TENT5D: variants seen among roughly 807,000 people sequenced by gnomAD.
The protein encoded by TENT5D is terminal nucleotidyltransferase 5D.
For missense variants in TENT5D, 191 were observed against 287.0 expected (o/e 0.67, Z 2.42); for synonymous variants, 103 against 100.6 (o/e 1.02, Z -0.15).
intron 3 of TENT5D, among the ~76,000 whole-genome samples, chrX:80,389,113 T>G (rs1447534112): frequency 8.9e-6 from 1 of 111,883 alleles, no homozygotes; most frequent in Non-Finnish European, 1.9e-5. Context: ...TACTAAGGGC[T>G]GGGGAAGTGG....
intron 2 of TENT5D, among the ~76,000 whole-genome samples, chrX:80,339,216 T>A (rs923833490): frequency 9.0e-6 from 1 of 111,141 alleles, no homozygotes; most frequent in Non-Finnish European, 1.9e-5. Flanking sequence ...CAAAGCAGAA[T>A]CACAAATAAG....
At chrX:80,422,639 C>T (rs1260542743) in intron 1 of TENT5D, among the ~76,000 whole-genome samples, 1 of 111,151 alleles carries the variant, frequency 9.0e-6, no homozygotes, top group Non-Finnish European at 1.9e-5. Context: ...GTTTTAATGT[C>T]TGAGAGGGTG....
At chrX:80,338,806 T>C (rs1929902008) in intron 2 of TENT5D, among the ~76,000 whole-genome samples, 1 of 112,165 alleles carries the variant, frequency 8.9e-6, no homozygotes. Flanking sequence ...TTTTTAAAAA[T>C]GCAGATTACT....
At chrX:80,336,570 G>C (rs1232117379) in intron 2 of TENT5D, among the ~76,000 whole-genome samples, 1 of 107,216 alleles carries the variant, frequency 9.3e-6, no homozygotes, top group African/African-American at 3.4e-5. Flanking sequence ...GTATTTCGCT[G>C]TTGGAGAACT....
chrX:80,400,442 C>A (rs1931370925), intron 3 of TENT5D, among the ~76,000 whole-genome samples: 1 of 111,523 alleles, frequency 9.0e-6, no homozygotes, highest in East Asian at 2.8e-4. Context: ...CAAGTTTACA[C>A]CTAAAATGAA....
intron 3 of TENT5D, among the ~76,000 whole-genome samples, chrX:80,409,619 A>G (rs1398887152): frequency 9.0e-6 from 1 of 111,500 alleles, no homozygotes; most frequent in Non-Finnish European, 1.9e-5. Flanking sequence ...ATGGAAGAAC[A>G]TTCCATGCTC....
chrX:80,399,697 T>C (rs1426894726), intron 3 of TENT5D, among the ~76,000 whole-genome samples: 1 of 112,736 alleles, frequency 8.9e-6, no homozygotes, highest in African/African-American at 3.2e-5. Flanking sequence ...AACACAACAC[T>C]GTATAGGCCA....
chrX:80,371,262 A>T (rs889348511), intron 3 of TENT5D, among the ~76,000 whole-genome samples: 2 of 111,772 alleles, frequency 1.8e-5, no homozygotes, highest in African/African-American at 6.5e-5. Flanking sequence ...AAACCATGCT[A>T]TAGACATACA....
chrX:80,379,693 G>GT (rs1163520744), intron 3 of TENT5D, among the ~76,000 whole-genome samples: 15 of 111,103 alleles, frequency 1.4e-4, no homozygotes, highest in Non-Finnish European at 2.6e-4. Flanking sequence ...TTGGGAGGGT[G>GT]TATGTGTCAG....
At chrX:80,423,567 T>C (rs1323946281) in intron 1 of TENT5D, among the ~76,000 whole-genome samples, 3 of 110,613 alleles carry the variant, frequency 2.7e-5, no homozygotes, top group Admixed American at 9.7e-5. Flanking sequence ...TGATGATTTA[T>C]TGGGGCTACC....
rs147883186 is a variant in TENT5D, at chrX:80,390,389, G to A, written c.-142+47825G>A. ...TAAAGTGAGACCTATAAGCATAGTAGTGTTATTCTCTAGGCACATTCACCT... is the reference window on the plus strand; with the variant it reads ...TAAAGTGAGACCTATAAGCATAGTAATGTTATTCTCTAGGCACATTCACCT... On this transcript the variant is annotated intron_variant, in intron 3 of 4. Coordinates refer to the TENT5D transcript ENST00000538312. Among the ~76,000 whole-genome samples, 623 of 111,804 alleles carry A rather than the reference G, an allele frequency of 5.6e-3. 9 individuals carry two copies. Among genetic ancestry groups the A allele is most frequent in the African/African-American group, 0.019 (581 of 30,853 alleles).
intron 3 of TENT5D, among the ~76,000 whole-genome samples, chrX:80,368,114 C>T (rs953963444): frequency 1.8e-5 from 2 of 111,663 alleles, no homozygotes; most frequent in African/African-American, 6.5e-5. Context: ...TAAATATATA[C>T]ACTATGTACC....
chrX:80,419,180 T>G (rs1487276577), upstream of TENT5D, among the ~76,000 whole-genome samples: 4 of 111,683 alleles, frequency 3.6e-5, no homozygotes, highest in African/African-American at 1.3e-4. Context: ...AATTCTACAC[T>G]CAAAAGTTTA....
chrX:80,420,114 A>T (rs1931856117), upstream of TENT5D, among the ~76,000 whole-genome samples: 1 of 111,875 alleles, frequency 8.9e-6, no homozygotes, highest in Non-Finnish European at 1.9e-5. Flanking sequence ...TATTTCAGAA[A>T]TTACAACTTA....
chrX:80,382,733 C>T (rs1363457747), intron 3 of TENT5D, among the ~76,000 whole-genome samples: 1 of 110,180 alleles, frequency 9.1e-6, no homozygotes, highest in Non-Finnish European at 1.9e-5. Flanking sequence ...GCTGCTGCCT[C>T]GCAGTTCAAT....
At chrX:80,354,170 A>G (rs1930239220) in intron 3 of TENT5D, among the ~76,000 whole-genome samples, 1 of 111,501 alleles carries the variant, frequency 9.0e-6, no homozygotes, top group African/African-American at 3.3e-5. Flanking sequence ...GGAGAATCTA[A>G]TGACTATGTG....
intron 3 of TENT5D, among the ~76,000 whole-genome samples, chrX:80,393,492 A>G (rs1931178138): frequency 9.0e-6 from 1 of 111,511 alleles, no homozygotes; most frequent in African/African-American, 3.3e-5. Context: ...TTTTAATACA[A>G]TGTGGGATGA....
intron 3 of TENT5D, among the ~76,000 whole-genome samples, chrX:80,390,956 T>G (rs1421199917): frequency 8.9e-6 from 1 of 112,100 alleles, no homozygotes; most frequent in East Asian, 2.8e-4. Context: ...GTTGCATCTC[T>G]TAGAGAAAGA....
chrX:80,419,218 A>G (rs1440251911), upstream of TENT5D, among the ~76,000 whole-genome samples: 1 of 111,823 alleles, frequency 8.9e-6, no homozygotes, highest in African/African-American at 3.2e-5. Context: ...TCAGTATTAT[A>G]TATATCATGT....
Sources: gnomAD v4.1 joint callset for allele counts (sites outside exome capture counted in the v4.1 genomes callset) on GRCh38, gnomAD v4.1.1 for gene constraint, MANE v1.5 for transcripts, NCBI Gene and HGNC (gene_info 2026-07-23, HGNC 2026-07-21) for gene names.